FSIP2: variants seen among roughly 807,000 people sequenced by gnomAD.
The protein encoded by FSIP2 is fibrous sheath-interacting protein 2.
In FSIP2, 367 loss-of-function variants were observed where a neutral mutation model predicts 510.5. That is an observed-to-expected ratio of 0.72 (90% CI 0.66 to 0.78). The LOEUF (loss-of-function observed/expected upper bound fraction) is 0.78. FSIP2 is among the 30% of genes least tolerant of loss of function. The pLI, the probability that FSIP2 is intolerant of heterozygous loss-of-function variation, is 0.00. For missense variants in FSIP2, 7,594 were observed against 7,901.7 expected (o/e 0.96, Z 1.48); for synonymous variants, 2,601 against 2,732.2 (o/e 0.95, Z 1.50).
chr2:185,807,472 G>T lies in FSIP2; in HGVS notation c.18166G>T (p.Ala6056Ser). ...TCAAATGAAGTTAGTAAGTGCAGTT[G>T]CAACAGAGATCTCCCAAGATAAATA... The part of the protein sequence containing the change: ...FLQMKLVSAV[A>S]TEISQDKYMT... The change falls in exon 17 of 23, where the codon GCA becomes TCA. Residue 6056 changes from alanine (A) to serine (S), a missense_variant. Transcript: ENST00000424728. 6.2e-7 allele frequency: 1 copy of T among 1,612,496 alleles called. No individual in the cohort carries two copies. The highest frequency in any genetic ancestry group is 1.1e-5 in the South Asian group (1 of 90,958).
At chr2:185,764,762 G>A in intron 13 of FSIP2, 197 bp downstream of exon 13, 1 of 495,216 alleles carries the variant, frequency 2.0e-6, no homozygotes, top group Non-Finnish European at 3.6e-6. Context: ...GAGCAATAAA[G>A]GAAGTGGGTA....
chr2:185,740,818 T>G (rs570401604), intron 2 of FSIP2, among the ~76,000 whole-genome samples: 18 of 152,212 alleles, frequency 1.2e-4, no homozygotes, highest in African/African-American at 4.3e-4. Context: ...TCCACCCTCA[T>G]GACTTAATTA....
At chr2:185,768,352 A>C (rs555963450) in intron 13 of FSIP2, among the ~76,000 whole-genome samples, 1 of 152,222 alleles carries the variant, frequency 6.6e-6, no homozygotes, top group East Asian at 1.9e-4. Context: ...GATCAACATC[A>C]AGAAGCTTTG....
chr2:185,756,837 G>A (rs7571031), intron 9 of FSIP2, among the ~76,000 whole-genome samples: 19,600 of 151,074 alleles, frequency 0.13, 1,693 homozygotes, highest in East Asian at 0.37. Flanking sequence ...AAATTTCAAA[G>A]AAAAAATTAA....
Position 185,795,845 on chromosome 2 carries a change from T to C in FSIP2, c.8709T>C (p.Ser2903=). 1 of 1,532,638 alleles carries C rather than the reference T, an allele frequency of 6.5e-7. No homozygotes were observed. Among genetic ancestry groups the C allele is most frequent in the Non-Finnish European group, 8.7e-7 (1 of 1,145,480 alleles). The allele number at this position is 1,532,638 out of a possible 1,614,324, so 94.9% of individuals were successfully genotyped here. A position where few individuals can be genotyped will look rare whatever the true frequency, so the allele number is the denominator to read the frequency against. Residue 2903 remains serine (S), a synonymous_variant, in exon 16 of 23, where the codon TCT becomes TCC. Coordinates refer to ENST00000424728, the MANE Select transcript of FSIP2 (RefSeq NM_173651.4). ...TTTATAATCATTTTAAAGGAGCTTC[T>C]ACTAGAGCCGAGGATACTAAAGCAC... ...SRFYNHFKGA[S]TRAEDTKAQI... is the part of the protein sequence containing the mutation.
chr2:185,741,883 G>A (rs1335680952), intron 2 of FSIP2, among the ~76,000 whole-genome samples: 2 of 152,138 alleles, frequency 1.3e-5, no homozygotes, highest in African/African-American at 4.8e-5. Context: ...TCTTATTAGG[G>A]TCCAACCCAG....
chr2:185,788,841 A>G lies in FSIP2; in HGVS notation c.1705A>G (p.Arg569Gly). The change falls in exon 16 of 23, where the codon AGA becomes GGA. Residue 569 changes from arginine (R) to glycine (G), a missense_variant. Arg to Gly is a moderately radical substitution (Grantham distance 125). Transcript: ENST00000424728. ...CSTCSEDFTYRSYTSATTKTF... is the reference protein window; with the variant it reads ...CSTCSEDFTYGSYTSATTKTF... The stretch of plus-strand genomic sequence containing the variant: ...CACGTGCAGTGAAGACTTTACATAT[A>G]GAAGCTACACATCTGCAACAACTAA... 6.5e-7 allele frequency: 1 copy of G among 1,534,690 alleles called. No homozygotes were observed. The highest frequency in any genetic ancestry group is 8.7e-7 in the Non-Finnish European group (1 of 1,145,882).
At chr2:185,812,308 T>C (rs917956542) in intron 17 of FSIP2, among the ~76,000 whole-genome samples, 19 of 152,142 alleles carry the variant, frequency 1.2e-4, no homozygotes, top group African/African-American at 4.1e-4. Flanking sequence ...ATGATTGCAC[T>C]ACTGGGTTTT....
At chr2:185,768,245 G>C (rs900155144) in intron 13 of FSIP2, among the ~76,000 whole-genome samples, 4 of 151,904 alleles carry the variant, frequency 2.6e-5, no homozygotes, top group Non-Finnish European at 4.4e-5. Flanking sequence ...TTGTTTTACA[G>C]CAATGCAAAA....
chr2:185,779,453 A>G (rs1262481567), intron 13 of FSIP2, among the ~76,000 whole-genome samples: 1 of 152,076 alleles, frequency 6.6e-6, no homozygotes, highest in Non-Finnish European at 1.5e-5. Context: ...ATGTATAGTG[A>G]TAAGTCTGGT....
At position 185,807,436 on chromosome 2, in the gene FSIP2, C is replaced by A; in HGVS notation, c.18130C>A (p.Leu6044Met). The part of the protein sequence containing the change: ...KEPEDNLSTE[L>M]NFLQMKLVSA... Reference sequence around the variant, plus strand: ...ACCTGAGGACAATTTGTCCACAGAACTGAATTTCCTTCAAATGAAGTTAGT... The same window carrying A: ...ACCTGAGGACAATTTGTCCACAGAAATGAATTTCCTTCAAATGAAGTTAGT... Residue 6044 changes from leucine (L) to methionine (M), a missense_variant, in exon 17 of 23, where the codon CTG becomes ATG. Coordinates refer to ENST00000424728, the MANE Select transcript of FSIP2 (RefSeq NM_173651.4). 6.2e-7 allele frequency: 1 copy of A among 1,612,272 alleles called. No individual in the cohort carries two copies. The highest frequency in any genetic ancestry group is 2.2e-5 in the East Asian group (1 of 44,810).
At position 185,761,290 on chromosome 2, in the gene FSIP2, C is replaced by T. The variant is rs377665362; in HGVS notation, c.1194+187C>T. On this transcript the variant is annotated intron_variant, in intron 10 of 22. Transcript: ENST00000424728. ...AGTTAGCTTTGTGCTAAACACACTA[C>T]GGATTTTAGCAGAAAATAACCCAAA... 9.9e-5 allele frequency among the ~76,000 whole-genome samples: 15 copies of T among 151,056 alleles called. No individual in the cohort carries two copies. The South Asian group carries it at 1.0e-3, about 10-fold the overall frequency.
In FSIP2 at chr2:185,806,705, TTTCTTC is replaced by T. The variant is rs1251057648; in HGVS notation, c.17401_17406del (p.Ser5801_Ser5802del). 6.2e-7 allele frequency: 1 copy of T among 1,603,684 alleles called. No homozygotes were observed. Among genetic ancestry groups the T allele is most frequent in the African/African-American group, 1.3e-5 (1 of 74,210 alleles). On this transcript the variant is annotated inframe_deletion, in exon 17 of 23. Transcript: ENST00000424728. ...ACTGAGATGGTTAAACAATTGATCT[TTTCTTC>T]TATACCAGAAACACAAATACAAGAT...
chr2:185,785,879 C>G (rs986709697), intron 14 of FSIP2, among the ~76,000 whole-genome samples: 10 of 151,932 alleles, frequency 6.6e-5, no homozygotes, highest in Admixed American at 6.6e-4. Flanking sequence ...TGCCTTGCTA[C>G]TCCATCAGGG....
At position 185,804,177 on chromosome 2, in the gene FSIP2, A is replaced by C; in HGVS notation, c.14871A>C (p.Leu4957Phe). The C allele has an allele frequency of 6.6e-7, 1 of 1,512,068 alleles. No individual in the cohort carries two copies. The highest frequency in any genetic ancestry group is 1.4e-5 in the African/African-American group (1 of 71,804). 93.7% of individuals were successfully genotyped at this position (1,512,068 alleles called of 1,614,324 possible). The change falls in exon 17 of 23, where the codon TTA (leucine) becomes TTC (phenylalanine). Residue 4957 changes from leucine (L) to phenylalanine (F), a missense_variant. Transcript: ENST00000424728. Reference sequence around the variant, plus strand: ...TGGAGGAAGTAATTTCTGAGCTCTTATGCAAAATTCTTTATGCATTTTCAC... The same window carrying C: ...TGGAGGAAGTAATTTCTGAGCTCTTCTGCAAAATTCTTTATGCATTTTCAC... ...VFLEEVISEL[L>F]CKILYAFSHN...
intron 2 of FSIP2, among the ~76,000 whole-genome samples, chr2:185,740,057 A>G (rs1325079686): frequency 6.6e-6 from 1 of 152,108 alleles, no homozygotes; most frequent in African/African-American, 2.4e-5. Flanking sequence ...TCCATCCAGC[A>G]TTGTCTCCAA....
At position 185,806,619 on chromosome 2, in the gene FSIP2, T is replaced by C; in HGVS notation, c.17313T>C (p.Pro5771=). 1.2e-6 allele frequency: 2 copies of C among 1,608,432 alleles called. No homozygotes were observed. The highest frequency in any genetic ancestry group is 1.1e-5 in the South Asian group (1 of 90,254). ...GTGAACCCAGTAAACCAGATGATCC[T>C]CAAAACCAACGAGAAAGTAAACCTG... The part of the protein sequence containing the change: ...IKSEPSKPDD[P]QNQRESKPGI... Residue 5771 remains proline, a synonymous_variant, in exon 17 of 23, where the codon CCT becomes CCC. Transcript: ENST00000424728.
rs1473658158 is a variant in FSIP2, at chr2:185,763,201, G to A, written c.1259G>A (p.Gly420Asp). The A allele has an allele frequency of 6.8e-7, 1 of 1,479,604 alleles. No homozygotes were observed. Among genetic ancestry groups the A allele is most frequent in the South Asian group, 1.2e-5 (1 of 82,696 alleles). The allele number at this position is 1,479,604 out of a possible 1,614,324, so 91.7% of individuals were successfully genotyped here. A position where few individuals can be genotyped will look rare whatever the true frequency, so the allele number is the denominator to read the frequency against. The change falls in exon 12 of 23, where the codon GGC becomes GAC. Residue 420 changes from glycine (G) to aspartate (D), a missense_variant. Physicochemically the swap from Gly to Asp is moderately conservative, Grantham distance 94. Coordinates refer to ENST00000424728, the MANE Select transcript of FSIP2 (RefSeq NM_173651.4). Reference sequence around the variant, plus strand: ...TCTCTAGGAGGTATAAATATTTCAGGCCAAGGTTCAATTATTTCAGCGCAG... The same window carrying A: ...TCTCTAGGAGGTATAAATATTTCAGACCAAGGTTCAATTATTTCAGCGCAG... The part of the protein sequence containing the change: ...FDDRGGINIS[G>D]QGSIISAQVS...
At chr2:185,739,160 G>A (rs1023656313) in intron 1 of FSIP2, 167 bp downstream of exon 1, 139 of 1,150,948 alleles carry the variant, frequency 1.2e-4, no homozygotes, top group Non-Finnish European at 1.6e-4. Context: ...GACTGTACCG[G>A]CCGCAACTGG....
Sources: gnomAD v4.1 joint callset for allele counts (sites outside exome capture counted in the v4.1 genomes callset) on GRCh38, gnomAD v4.1.1 for gene constraint, MANE v1.5 for transcripts, NCBI Gene and HGNC (gene_info 2026-07-23, HGNC 2026-07-21) for gene names.